DIO2: variants seen among roughly 807,000 people sequenced by gnomAD.
The protein encoded by DIO2 is type II iodothyronine deiodinase.
Under a neutral mutation model 21.4 loss-of-function variants are expected in DIO2, and 19 were observed. The observed-to-expected ratio is 0.89, with a 90% confidence interval of 0.62 to 1.30. DIO2 has a LOEUF of 1.30. Ranked by LOEUF, DIO2 falls within the 50% of genes most tolerant of loss-of-function variation. DIO2 has a pLI of 0.00. For synonymous variants in DIO2, 122 were observed against 132.9 expected (o/e 0.92, Z 0.57); for missense variants, 302 against 338.1 (o/e 0.89, Z 0.84).
intron 1 of DIO2, among the ~76,000 whole-genome samples, chr14:80,204,565 T>C (rs2139999013): frequency 6.6e-6 from 1 of 152,312 alleles, no homozygotes; most frequent in South Asian, 2.1e-4. Context: ...TTCCTTAGAA[T>C]GGTTTAATCA....
intron 2 of DIO2, among the ~76,000 whole-genome samples, chr14:80,230,346 A>G (rs1424201230): frequency 4.6e-5 from 7 of 152,076 alleles, no homozygotes; most frequent in Admixed American, 4.6e-4. Flanking sequence ...CAGGTCAGCC[A>G]CTCGTATAAT....
intron 2 of DIO2, chr14:80,219,375 G>A (rs74064462): frequency 2.4e-4 from 37 of 152,226 alleles, no homozygotes; most frequent in Admixed American, 1.9e-3. Context: ...AAATATTTCC[G>A]TTTTCTATCT....
chr14:80,204,802 A>G (rs1887884249), intron 1 of DIO2, among the ~76,000 whole-genome samples: 1 of 152,164 alleles, frequency 6.6e-6, no homozygotes, highest in Non-Finnish European at 1.5e-5. Context: ...CTTCTATCTA[A>G]TGTTAATGCA....
intron 1 of DIO2, among the ~76,000 whole-genome samples, chr14:80,207,445 A>G (rs1887996745): frequency 6.6e-6 from 1 of 152,196 alleles, no homozygotes; most frequent in Admixed American, 6.5e-5. Context: ...CCACAGCCTG[A>G]GAAAGCCTTG....
intron 2 of DIO2, among the ~76,000 whole-genome samples, chr14:80,224,853 G>T (rs1025418320): frequency 6.6e-6 from 1 of 152,144 alleles, no homozygotes; most frequent in African/African-American, 2.4e-5. Flanking sequence ...TAATAGGATA[G>T]ATATATATAA....
chr14:80,218,673 G>C (rs1004869563), intron 2 of DIO2, among the ~76,000 whole-genome samples: 1 of 152,110 alleles, frequency 6.6e-6, no homozygotes, highest in African/African-American at 2.4e-5. Context: ...TCAAAGTAAA[G>C]CCTCAACAAA....
At chr14:80,222,417 T>C (rs143244467) in intron 2 of DIO2, among the ~76,000 whole-genome samples, 1,557 of 152,326 alleles carry the variant, frequency 0.01, 16 homozygotes, top group Non-Finnish European at 0.017. Flanking sequence ...ACAATCTGCA[T>C]TTTTCATTGT....
chr14:80,200,833 A>G lies in DIO2; in HGVS notation c.*1856T>C, dbSNP rs1887685764. On this transcript the variant is annotated 3_prime_UTR_variant, in exon 2 of 2. Transcript: ENST00000438257. Reference sequence around the variant, plus strand: ...GATATGTTGCTCCCATTTAAAAAATAAAATAAAATACGTTTGGTTCTTGCA... The same window carrying G: ...GATATGTTGCTCCCATTTAAAAAATGAAATAAAATACGTTTGGTTCTTGCA... The G allele has an allele frequency of 6.6e-6, 1 of 152,214 alleles. No individual in the cohort carries two copies. Among genetic ancestry groups the G allele is most frequent in the African/African-American group, 2.4e-5 (1 of 41,456 alleles). The allele number at this position is 152,214 out of a possible 1,614,324, so 9.4% of individuals were successfully genotyped here. A position where few individuals can be genotyped will look rare whatever the true frequency, so the allele number is the denominator to read the frequency against.
chr14:80,220,283 T>C (rs535517928), intron 2 of DIO2, among the ~76,000 whole-genome samples: 13 of 152,306 alleles, frequency 8.5e-5, no homozygotes, highest in African/African-American at 2.6e-4. Flanking sequence ...AACAGGGACC[T>C]GGGTACATCC....
intron 1 of DIO2, among the ~76,000 whole-genome samples, chr14:80,204,709 T>C (rs1481608525): frequency 6.6e-6 from 1 of 152,232 alleles, no homozygotes; most frequent in Non-Finnish European, 1.5e-5. Context: ...ATGCTACTGT[T>C]AATTGAAGTC....
rs10142136 is a variant in DIO2, at chr14:80,211,217, G to A, written c.222+34C>T. The stretch of plus-strand genomic sequence containing the variant: ...CAGCATATGAGCCCCTGCCCCTGTA[G>A]ACCTAGGGAGAAGCCCTTCTCAGCT... On this transcript the variant is annotated intron_variant, in intron 1 of 1. Transcript: ENST00000438257. 9.1e-4 allele frequency: 1,445 copies of A among 1,584,040 alleles called. 10 individuals carry two copies. In the African/African-American group the frequency reaches 0.018, roughly 19 times the overall value.
intron 1 of DIO2, among the ~76,000 whole-genome samples, chr14:80,210,447 C>T (rs924147109): frequency 6.6e-6 from 1 of 152,204 alleles, no homozygotes; most frequent in Admixed American, 6.5e-5. Flanking sequence ...GAGACCACTG[C>T]TCTAATGCTC....
At chr14:80,223,680 T>C (rs753983767) in intron 2 of DIO2, among the ~76,000 whole-genome samples, 1 of 152,222 alleles carries the variant, frequency 6.6e-6, no homozygotes, top group African/African-American at 2.4e-5. Context: ...TAGAGTAGAA[T>C]GTAATTTCTT....
chr14:80,207,942 G>A (rs1287698570), intron 1 of DIO2, among the ~76,000 whole-genome samples: 2 of 152,214 alleles, frequency 1.3e-5, no homozygotes, highest in Non-Finnish European at 2.9e-5. Context: ...GGTGAATGAA[G>A]AGGAGGAGGA....
chr14:80,224,342 T>A (rs1437212893), intron 2 of DIO2, among the ~76,000 whole-genome samples: 1 of 152,140 alleles, frequency 6.6e-6, no homozygotes, highest in Non-Finnish European at 1.5e-5. Context: ...TAAATCCTAA[T>A]CTCTGGAACC....
At chr14:80,223,579 C>T (rs932326195) in intron 2 of DIO2, among the ~76,000 whole-genome samples, 1 of 152,144 alleles carries the variant, frequency 6.6e-6, no homozygotes, top group Non-Finnish European at 1.5e-5. Context: ...GTACAGCATT[C>T]AAGTCAGCAG....
chr14:80,206,789 T>C (rs1465976863), intron 1 of DIO2, among the ~76,000 whole-genome samples: 1 of 152,178 alleles, frequency 6.6e-6, no homozygotes. Flanking sequence ...GGGTTTGTGT[T>C]TGGTTTTTGT....
intron 1 of DIO2, among the ~76,000 whole-genome samples, chr14:80,205,403 T>A (rs1433404788): frequency 1.3e-5 from 2 of 152,180 alleles, no homozygotes; most frequent in African/African-American, 4.8e-5. Flanking sequence ...CCTGTACACT[T>A]GTAGGTTCTT....
In DIO2 at chr14:80,202,526, T is replaced by G. The variant is rs1056746038; in HGVS notation, c.*163A>C. 1 of 757,928 alleles carries G rather than the reference T, an allele frequency of 1.3e-6. No homozygotes were observed. Among genetic ancestry groups the G allele is most frequent in the Non-Finnish European group, 2.2e-6 (1 of 464,064 alleles). 47.0% of individuals were successfully genotyped at this position (757,928 alleles called of 1,614,324 possible). ...CTTACTCAGCCCAATGCCATTTGAGTAGTGAAAGAAGTATGGAGCTGTTAG... is the reference window on the plus strand; with the variant it reads ...CTTACTCAGCCCAATGCCATTTGAGGAGTGAAAGAAGTATGGAGCTGTTAG... On this transcript the variant is annotated 3_prime_UTR_variant, in exon 2 of 2. Transcript: ENST00000438257.
Sources: gnomAD v4.1 joint callset for allele counts (sites outside exome capture counted in the v4.1 genomes callset) on GRCh38, gnomAD v4.1.1 for gene constraint, MANE v1.5 for transcripts, NCBI Gene and HGNC (gene_info 2026-07-23, HGNC 2026-07-21) for gene names.